The following FRAS1 variants were observed in gnomAD, a reference collection of about 807,000 sequenced individuals.
FRAS1 encodes Fraser extracellular matrix complex subunit 1, also known as extracellular matrix organizing protein FRAS1.
FRAS1 carries 290 observed loss-of-function variants against 435.2 expected under a neutral mutation model. The ratio of observed to expected loss-of-function variants is 0.67; its 90% CI spans 0.61 to 0.73. FRAS1 has a LOEUF of 0.73. Among genes scored for constraint, FRAS1 ranks in the 30% least tolerant of loss-of-function variants. The pLI, the probability that FRAS1 is intolerant of heterozygous loss-of-function variation, is 0.00. For missense variants in FRAS1, 4,860 were observed against 5,001.5 expected (o/e 0.97, Z 0.85); for synonymous variants, 1,800 against 1,851.0 (o/e 0.97, Z 0.71).
intron 61 of FRAS1, among the ~76,000 whole-genome samples, chr4:78,502,856 A>G (rs778070777): frequency 6.6e-5 from 10 of 152,202 alleles, no homozygotes; most frequent in Non-Finnish European, 1.2e-4. Context: ...TGGGTTTGTC[A>G]TAAATAGCTC....
intron 2 of FRAS1, among the ~76,000 whole-genome samples, chr4:78,094,509 T>A (rs1741694591): frequency 6.6e-6 from 1 of 152,094 alleles, no homozygotes; most frequent in African/African-American, 2.4e-5. Context: ...GTTCTAAAAT[T>A]ATAATTTTTC....
At chr4:78,355,613 G>T (rs1730820949) in intron 20 of FRAS1, among the ~76,000 whole-genome samples, 1 of 152,168 alleles carries the variant, frequency 6.6e-6, no homozygotes, top group South Asian at 2.1e-4. Context: ...GCACAGATGG[G>T]GCTTTTTGGA....
intron 2 of FRAS1, among the ~76,000 whole-genome samples, chr4:78,079,251 G>T (rs1433764193): frequency 6.9e-6 from 1 of 145,108 alleles, no homozygotes; most frequent in African/African-American, 2.9e-5. Flanking sequence ...TTGTCAACAA[G>T]AGAGAGAGAG....
At chr4:78,403,752 T>C (rs1267335012) in intron 30 of FRAS1, among the ~76,000 whole-genome samples, 1 of 152,200 alleles carries the variant, frequency 6.6e-6, no homozygotes, top group Non-Finnish European at 1.5e-5. Context: ...GTTGAAATTA[T>C]CGTTAATTGA....
At chr4:78,125,285 G>C (rs1465871419) in intron 2 of FRAS1, among the ~76,000 whole-genome samples, 2 of 152,202 alleles carry the variant, frequency 1.3e-5, no homozygotes, top group Non-Finnish European at 2.9e-5. Flanking sequence ...CAATTTCCAT[G>C]TAATTGTGTG....
chr4:78,421,952 C>T lies in FRAS1; in HGVS notation c.4630C>T (p.Pro1544Ser), dbSNP rs1733805356. The change falls in exon 34 of 74, where the codon CCC (proline) becomes TCC (serine). Residue 1544 changes from proline (P) to serine (S), a missense_variant. Coordinates refer to ENST00000512123, the MANE Select transcript of FRAS1 (RefSeq NM_025074.7). ...INQGKVMYRP[P>S]PAAPHLQELM... ...CCAGGGCAAAGTCATGTACCGCCCT[C>T]CCCCGGCAGCACCCCACCTCCAGGA... 3 of 1,613,614 alleles carry T rather than the reference C, an allele frequency of 1.9e-6. No individual in the cohort carries two copies. The highest frequency in any genetic ancestry group is 1.3e-5 in the African/African-American group (1 of 75,014).
At chr4:78,412,581 C>T (rs1281093379) in intron 31 of FRAS1, among the ~76,000 whole-genome samples, 2 of 152,072 alleles carry the variant, frequency 1.3e-5, no homozygotes, top group African/African-American at 4.8e-5. Context: ...ATTATGTTTT[C>T]TAGCATGTTT....
chr4:78,490,832 G>C (rs1208218958), intron 59 of FRAS1, among the ~76,000 whole-genome samples: 4 of 146,704 alleles, frequency 2.7e-5, no homozygotes, highest in Non-Finnish European at 6.0e-5. Flanking sequence ...ATAGAGACAG[G>C]AAAAATCCTT....
At chr4:78,091,621 GTT>G (rs1440582278) in intron 2 of FRAS1, among the ~76,000 whole-genome samples, 1 of 42,698 alleles carries the variant, frequency 2.3e-5, no homozygotes, top group East Asian at 1.1e-3. Context: ...ACACACGTGT[GTT>G]TGTGTGTGTG....
chr4:78,084,792 G>T (rs919049742), intron 2 of FRAS1, among the ~76,000 whole-genome samples: 2 of 152,072 alleles, frequency 1.3e-5, no homozygotes, highest in Non-Finnish European at 2.9e-5. Flanking sequence ...GGTGTGTAAA[G>T]CTAATTATTG....
At chr4:78,501,608 C>T (rs1720683803) in intron 61 of FRAS1, among the ~76,000 whole-genome samples, 2 of 152,196 alleles carry the variant, frequency 1.3e-5, no homozygotes, top group African/African-American at 4.8e-5. Context: ...CCTATTTCTC[C>T]ACATCCTCTC....
At chr4:78,180,884 T>G (rs1290503854) in intron 2 of FRAS1, 2 of 1,599,074 alleles carry the variant, frequency 1.3e-6, no homozygotes, top group African/African-American at 2.7e-5. Context: ...GAACTGGGAA[T>G]GCCTCTGGGT....
intron 18 of FRAS1, among the ~76,000 whole-genome samples, chr4:78,329,312 G>A (rs930304249): frequency 2.6e-5 from 4 of 152,150 alleles, no homozygotes; most frequent in African/African-American, 4.8e-5. Flanking sequence ...TCTGGATTCC[G>A]GTAACTTTAC....
intron 35 of FRAS1, among the ~76,000 whole-genome samples, chr4:78,427,171 T>C (rs1429750987): frequency 6.6e-6 from 1 of 152,132 alleles, no homozygotes; most frequent in Admixed American, 6.5e-5. Context: ...AGTGGATTAA[T>C]GGTTAATCAT....
At chr4:78,159,714 C>A (rs1008502856) in intron 2 of FRAS1, among the ~76,000 whole-genome samples, 2 of 152,096 alleles carry the variant, frequency 1.3e-5, no homozygotes, top group African/African-American at 4.8e-5. Flanking sequence ...AACCCCATTT[C>A]TACTAAAAAT....
intron 34 of FRAS1, among the ~76,000 whole-genome samples, chr4:78,423,434 G>GGATTACAGACAT (rs58962823): frequency 2.6e-5 from 4 of 151,862 alleles, no homozygotes; most frequent in Non-Finnish European, 5.9e-5. Flanking sequence ...CAAAGTGCTG[G>GGATTACAGACAT]GAGCCACTGC....
intron 2 of FRAS1, among the ~76,000 whole-genome samples, chr4:78,230,157 G>A: frequency 6.6e-6 from 1 of 152,194 alleles, no homozygotes; most frequent in Non-Finnish European, 1.5e-5. Context: ...TGGAGGAGGA[G>A]ATCAGGTACA....
intron 2 of FRAS1, among the ~76,000 whole-genome samples, chr4:78,067,410 T>C (rs537997134): frequency 6.6e-6 from 1 of 152,228 alleles, no homozygotes; most frequent in East Asian, 1.9e-4. Context: ...CTATGTGTTA[T>C]TGTACATTTG....
intron 2 of FRAS1, chr4:78,070,442 T>C (rs1355877463): frequency 1.3e-5 from 2 of 152,122 alleles, no homozygotes; most frequent in African/African-American, 4.8e-5. Flanking sequence ...TCTGTAACTT[T>C]CTCTTCTTTT....
Sources: allele counts gnomAD v4.1 joint callset (sites outside exome capture counted in the v4.1 genomes callset), GRCh38; gene constraint gnomAD v4.1.1; transcripts MANE v1.5; gene names NCBI Gene and HGNC (gene_info 2026-07-23, HGNC 2026-07-21).